SMAD1: variants seen among roughly 807,000 people sequenced by gnomAD.
SMAD1 encodes the protein SMAD family member 1, also known as MAD, mothers against decapentaplegic homolog 1.
In SMAD1, 6 loss-of-function variants were observed where a neutral mutation model predicts 41.6. The ratio of observed to expected loss-of-function variants is 0.14; its 90% CI spans 0.08 to 0.28. The LOEUF (loss-of-function observed/expected upper bound fraction) is 0.28. Ranked by LOEUF, SMAD1 falls within the 10% of genes least tolerant of loss-of-function variation. The probability of loss-of-function intolerance (pLI) is 1.00; values close to 1 mark genes in which losing one functional copy is unlikely to be tolerated. For synonymous variants in SMAD1, 206 were observed against 203.2 expected, an observed-to-expected ratio of 1.01 and a Z score of -0.12; for missense variants, 379 against 582.6, an observed-to-expected ratio of 0.65 and a Z score of 3.60.
chr4:145,486,053 C>T lies in SMAD1; in HGVS notation c.-177+4015C>T, dbSNP rs539224407. ...TTTTTGGTCTTTCGTTCAGAAGACC[C>T]AAATCATCATTGTTCTGCTGTGCTT... On this transcript the variant is annotated intron_variant, in intron 1 of 6. Transcript: ENST00000302085. Among the ~76,000 whole-genome samples, 14 of 152,278 alleles carry T rather than the reference C, an allele frequency of 9.2e-5. No individual in the cohort carries two copies. In the South Asian group the frequency reaches 2.7e-3, roughly 29 times the overall value.
intron 4 of SMAD1, chr4:145,544,758 T>C (rs1482737176): frequency 6.6e-6 from 1 of 152,158 alleles, no homozygotes; most frequent in African/African-American, 2.4e-5. Flanking sequence ...AACATAATTC[T>C]GAGTCAATGA....
intron 2 of SMAD1, among the ~76,000 whole-genome samples, chr4:145,521,946 C>G (rs528059161): frequency 1.5e-4 from 22 of 149,824 alleles, no homozygotes; most frequent in African/African-American, 5.4e-4. Context: ...CACTGGTGCT[C>G]TTTGTGCACT....
chr4:145,540,914 C>G (rs1316815872), intron 3 of SMAD1, among the ~76,000 whole-genome samples: 1 of 152,052 alleles, frequency 6.6e-6, no homozygotes, highest in African/African-American at 2.4e-5. Context: ...CAGTGCTAGG[C>G]CTTCAAAAAT....
chr4:145,505,992 C>G (rs1347791677), intron 1 of SMAD1, among the ~76,000 whole-genome samples: 1 of 151,910 alleles, frequency 6.6e-6, no homozygotes, highest in African/African-American at 2.4e-5. Context: ...TAAAGGTGTA[C>G]ACCACTATGC....
chr4:145,552,417 T>C (rs1732598997), intron 5 of SMAD1, among the ~76,000 whole-genome samples: 1 of 152,242 alleles, frequency 6.6e-6, no homozygotes, highest in Non-Finnish European at 1.5e-5. Context: ...GATCTAACGC[T>C]GCTGGGTGAC....
intron 2 of SMAD1, among the ~76,000 whole-genome samples, chr4:145,535,961 A>G (rs1169261589): frequency 2.0e-5 from 3 of 151,666 alleles, no homozygotes; most frequent in South Asian, 2.1e-4. Flanking sequence ...ATGAATTTGA[A>G]TGAATCCAAG....
intron 1 of SMAD1, among the ~76,000 whole-genome samples, chr4:145,492,186 T>C (rs1182809893): frequency 2.0e-5 from 3 of 152,190 alleles, no homozygotes; most frequent in African/African-American, 4.8e-5. Context: ...GGTTTTTCGC[T>C]ACACACCAAA....
intron 4 of SMAD1, 83 bp downstream of exon 4, chr4:145,542,781 C>A: frequency 2.3e-6 from 2 of 884,190 alleles, no homozygotes; most frequent in Non-Finnish European, 3.6e-6. Context: ...TTTTATTAGT[C>A]TTTAAAAAGA....
At chr4:145,489,575 C>T (rs1437695270) in intron 1 of SMAD1, among the ~76,000 whole-genome samples, 1 of 152,134 alleles carries the variant, frequency 6.6e-6, no homozygotes, top group Admixed American at 6.5e-5. Context: ...AGTTTCTAAA[C>T]TTGGTGGCTG....
intron 5 of SMAD1, among the ~76,000 whole-genome samples, chr4:145,553,280 C>A (rs923983273): frequency 1.0e-5 from 1 of 100,428 alleles, no homozygotes; most frequent in Admixed American, 8.4e-5. Flanking sequence ...TTAAGTAATG[C>A]GGTTAACTAA....
chr4:145,498,586 C>G (rs1253132213), intron 1 of SMAD1, among the ~76,000 whole-genome samples: 2 of 152,142 alleles, frequency 1.3e-5, no homozygotes, highest in Non-Finnish European at 1.5e-5. Context: ...TCCCTTGTAC[C>G]CAGCTCACTC....
intron 5 of SMAD1, among the ~76,000 whole-genome samples, chr4:145,550,193 C>A (rs1489899539): frequency 6.6e-6 from 1 of 152,068 alleles, no homozygotes; most frequent in South Asian, 2.1e-4. Context: ...GGGATAGATT[C>A]TTGAAGTGAA....
At chr4:145,545,153 A>G (rs1395504582) in intron 4 of SMAD1, 1 of 152,050 alleles carries the variant, frequency 6.6e-6, no homozygotes, top group Non-Finnish European at 1.5e-5. Context: ...CTGTTTTTGT[A>G]AATAAAGCAT....
intron 1 of SMAD1, among the ~76,000 whole-genome samples, chr4:145,495,008 A>G (rs927535207): frequency 2.0e-5 from 3 of 152,200 alleles, no homozygotes; most frequent in South Asian, 2.1e-4. Flanking sequence ...AGTTATAGAA[A>G]GCTGTTGAGG....
chr4:145,519,479 C>A (rs1730614775), intron 2 of SMAD1, among the ~76,000 whole-genome samples: 1 of 151,348 alleles, frequency 6.6e-6, no homozygotes, highest in South Asian at 2.1e-4. Flanking sequence ...CATAGCAAGA[C>A]CCCGTCTTAA....
chr4:145,485,945 G>A (rs1578728234), intron 1 of SMAD1, among the ~76,000 whole-genome samples: 1 of 152,174 alleles, frequency 6.6e-6, no homozygotes, highest in Non-Finnish European at 1.5e-5. Flanking sequence ...GCTTCAGGAG[G>A]TACAGTGAAT....
rs769553939 is a variant in SMAD1 at position 145,542,647 on chromosome 4, A to G, written c.724A>G (p.Met242Val). ...CATGACCCAGGATGGCTCTCAGCCGATGGACACAAACATGATGGCGCCTCC... is the reference window on the plus strand; with the variant it reads ...CATGACCCAGGATGGCTCTCAGCCGGTGGACACAAACATGATGGCGCCTCC... ...DPMTQDGSQP[M>V]DTNMMAPPLP... The change falls in exon 4 of 7, where the codon ATG (methionine) becomes GTG (valine). Residue 242 changes from methionine (M) to valine (V), a missense_variant. This residue lies in a region of SMAD1 where 208 missense variants were observed against 210.5 expected (regional missense o/e 0.99). Transcript: ENST00000302085. The G allele has an allele frequency of 1.2e-6, 2 of 1,613,616 alleles. No individual in the cohort carries two copies. Among genetic ancestry groups the G allele is most frequent in the South Asian group, 1.1e-5 (1 of 90,886 alleles).
chr4:145,536,756 C>G (rs1308817182), intron 2 of SMAD1, among the ~76,000 whole-genome samples: 1 of 152,080 alleles, frequency 6.6e-6, no homozygotes, highest in Non-Finnish European at 1.5e-5. Context: ...TTTACACAGT[C>G]TCGTGGTATC....
chr4:145,492,138 C>A (rs1023039194), intron 1 of SMAD1, among the ~76,000 whole-genome samples: 6 of 152,198 alleles, frequency 3.9e-5, no homozygotes, highest in African/African-American at 1.4e-4. Flanking sequence ...CACACTACAA[C>A]AGTCAACACA....
Sources: allele counts gnomAD v4.1 joint callset (sites outside exome capture counted in the v4.1 genomes callset), GRCh38; gene constraint gnomAD v4.1.1; regional missense constraint gnomAD v4.1.1; transcripts MANE v1.5; gene names NCBI Gene and HGNC (gene_info 2026-07-23, HGNC 2026-07-21).